Variants in TSPAN9 observed in about 807,000 individuals in gnomAD.
TSPAN9 encodes tetraspanin-9.
A neutral mutation model predicts 31.0 loss-of-function variants in TSPAN9; 16 were observed. That is an observed-to-expected ratio of 0.52 (90% CI 0.35 to 0.78). TSPAN9 has a LOEUF of 0.78. Among genes scored for constraint, TSPAN9 ranks in the 30% least tolerant of loss-of-function variants. The pLI is 0.01. For synonymous variants in TSPAN9, 145 were observed against 121.6 expected (o/e 1.19, Z -1.27); for missense variants, 272 against 312.5 (o/e 0.87, Z 0.98).
chr12:3,088,161 G>A (rs975589058), intron 2 of TSPAN9, among the ~76,000 whole-genome samples: 9 of 152,220 alleles, frequency 5.9e-5, no homozygotes, highest in African/African-American at 1.9e-4. Flanking sequence ...ATGAGGTAGA[G>A]GTCTGGGCTT....
At chr12:3,125,012 A>G (rs2098326698) in intron 2 of TSPAN9, 1 of 152,146 alleles carries the variant, frequency 6.6e-6, no homozygotes, top group Non-Finnish European at 1.5e-5. Context: ...GCAGTGAGCT[A>G]TGATCATGCC....
intron 3 of TSPAN9, among the ~76,000 whole-genome samples, chr12:3,217,243 G>A (rs895860778): frequency 1.3e-5 from 2 of 152,186 alleles, no homozygotes; most frequent in Non-Finnish European, 2.9e-5. Context: ...TGGATGCCAG[G>A]GGCTGAGGTG....
chr12:3,200,186 C>A (rs1230335342), intron 2 of TSPAN9: 2 of 152,278 alleles, frequency 1.3e-5, no homozygotes, highest in African/African-American at 4.8e-5. Context: ...CACAGCAGAA[C>A]GCTAATCCCA....
chr12:3,174,805 A>T (rs977531872), intron 2 of TSPAN9, among the ~76,000 whole-genome samples: 3 of 149,274 alleles, frequency 2.0e-5, no homozygotes, highest in South Asian at 2.2e-4. Flanking sequence ...GATGGTCTCG[A>T]TCTCCTGACC....
intron 3 of TSPAN9, among the ~76,000 whole-genome samples, chr12:3,251,006 T>C (rs779146827): frequency 6.6e-6 from 1 of 152,220 alleles, no homozygotes; most frequent in Non-Finnish European, 1.5e-5. Context: ...TTCCTCATCT[T>C]TATCTTCTTC....
chr12:3,217,704 C>T (rs181540297), intron 3 of TSPAN9, among the ~76,000 whole-genome samples: 1 of 151,696 alleles, frequency 6.6e-6, no homozygotes, highest in Non-Finnish European at 1.5e-5. Flanking sequence ...GCCTGCATCC[C>T]TTCACCCCTT....
At chr12:3,194,812 G>A (rs1030870583) in intron 2 of TSPAN9, among the ~76,000 whole-genome samples, 1 of 152,128 alleles carries the variant, frequency 6.6e-6, no homozygotes, top group African/African-American at 2.4e-5. Flanking sequence ...CTGAATCACG[G>A]CCAAGTATGG....
chr12:3,144,715 T>C (rs76305359), intron 2 of TSPAN9, among the ~76,000 whole-genome samples: 6,603 of 152,320 alleles, frequency 0.043, 490 homozygotes, highest in African/African-American at 0.15. Flanking sequence ...GGGCAGCTTC[T>C]GTCAGGCTCC....
chr12:3,257,886 A>T (rs1004899620), intron 3 of TSPAN9, among the ~76,000 whole-genome samples: 5 of 152,082 alleles, frequency 3.3e-5, no homozygotes, highest in Non-Finnish European at 7.4e-5. Flanking sequence ...ACCTCAGAGG[A>T]GGAGGATCTT....
At chr12:3,089,378 C>T (rs762284123) in intron 2 of TSPAN9, among the ~76,000 whole-genome samples, 1 of 145,866 alleles carries the variant, frequency 6.9e-6, no homozygotes, top group Non-Finnish European at 1.5e-5. Context: ...CTCACTGCAA[C>T]CTCCCACTCC....
intron 8 of TSPAN9, among the ~76,000 whole-genome samples, chr12:3,282,424 C>T (rs546884774): frequency 6.6e-6 from 1 of 152,286 alleles, no homozygotes; most frequent in African/African-American, 2.4e-5. Context: ...GACAGGGTCT[C>T]ACTTTGTTGC....
chr12:3,266,531 CTG>C (rs1164306028), intron 3 of TSPAN9, among the ~76,000 whole-genome samples: 14 of 152,328 alleles, frequency 9.2e-5, no homozygotes, highest in African/African-American at 3.1e-4. Context: ...TCTGGGGAAA[CTG>C]TGGACAGGCC....
At chr12:3,215,038 A>G (rs2098380652) in intron 3 of TSPAN9, among the ~76,000 whole-genome samples, 1 of 151,424 alleles carries the variant, frequency 6.6e-6, no homozygotes, top group African/African-American at 2.4e-5. Flanking sequence ...CTGCGCTCCC[A>G]CCTGCTACCT....
At position 3,121,402 on chromosome 12, in the gene TSPAN9, C is replaced by T. The variant is rs188170473; in HGVS notation, c.-18+37683C>T. ...TGAGACAGGTTCTTGCTCTGTTGCC[C>T]AGGCCAGAGTGCAGTGGTGTGATCA... is the stretch of plus-strand genomic sequence containing the variant. On this transcript the variant is annotated intron_variant, in intron 2 of 8. Transcript: ENST00000011898. Among the ~76,000 whole-genome samples the T allele has an allele frequency of 4.1e-3, 581 of 142,440 alleles. 7 individuals carry two copies. Among genetic ancestry groups the T allele is most frequent in the African/African-American group, 0.015 (551 of 37,754 alleles). The allele number at this position is 142,440 out of a possible 152,430, so 93.4% of individuals were successfully genotyped here. A position where few individuals can be genotyped will look rare whatever the true frequency, so the allele number is the denominator to read the frequency against.
chr12:3,156,900 G>C (rs549317151), intron 2 of TSPAN9, among the ~76,000 whole-genome samples: 2 of 152,180 alleles, frequency 1.3e-5, no homozygotes, highest in Non-Finnish European at 2.9e-5. Context: ...AGGGCAGGGG[G>C]CAAGGGCTGA....
intron 3 of TSPAN9, among the ~76,000 whole-genome samples, chr12:3,265,885 A>G (rs932733107): frequency 6.6e-6 from 1 of 152,216 alleles, no homozygotes; most frequent in Non-Finnish European, 1.5e-5. Context: ...CTTAGACAGG[A>G]TACTCAACCT....
intron 3 of TSPAN9, among the ~76,000 whole-genome samples, chr12:3,271,845 G>A (rs1028480376): frequency 2.6e-5 from 4 of 152,192 alleles, no homozygotes; most frequent in African/African-American, 9.7e-5. Context: ...CAAAGCAGCG[G>A]CTGCGCTCCT....
In TSPAN9 at chr12:3,260,057, G is replaced by A. The variant is rs1031119399; in HGVS notation, c.64-18364G>A. 3.1e-4 allele frequency among the ~76,000 whole-genome samples: 47 copies of A among 152,354 alleles called. 1 individual carries two copies. Among genetic ancestry groups the A allele is most frequent in the Admixed American group, 2.7e-3 (42 of 15,306 alleles). The stretch of plus-strand genomic sequence containing the variant: ...AAGATTTCTGCTGAGAACCTAGTAC[G>A]CGTGAGATGCCTGTGAGGCATCCAG... On this transcript the variant is annotated intron_variant, in intron 3 of 8. Coordinates refer to ENST00000011898, the MANE Select transcript of TSPAN9 (RefSeq NM_006675.5).
At chr12:3,270,746 C>G (rs1486410131) in intron 3 of TSPAN9, among the ~76,000 whole-genome samples, 4 of 152,364 alleles carry the variant, frequency 2.6e-5, no homozygotes, top group Admixed American at 1.3e-4. Context: ...GGGGCTGTCC[C>G]CAAAGTCTCG....
Sources: gnomAD v4.1 joint callset for allele counts (sites outside exome capture counted in the v4.1 genomes callset) on GRCh38, gnomAD v4.1.1 for gene constraint, MANE v1.5 for transcripts, NCBI Gene and HGNC (gene_info 2026-07-23, HGNC 2026-07-21) for gene names.